The following DEAF1 variants were observed in gnomAD, a reference collection of about 807,000 sequenced individuals.
DEAF1 encodes deformed epidermal autoregulatory factor 1 homolog.
Under a neutral mutation model 58.9 loss-of-function variants are expected in DEAF1, and 53 were observed. The observed-to-expected ratio is 0.90, with a 90% CI of 0.72 to 1.13. DEAF1 has a LOEUF of 1.13. Among genes scored for constraint, DEAF1 ranks in the 50% most tolerant of loss-of-function variants. The pLI, the probability that DEAF1 is intolerant of heterozygous loss-of-function variation, is 0.00. For synonymous variants in DEAF1, 385 were observed against 340.4 expected, an observed-to-expected ratio of 1.13 and a Z score of -1.44; for missense variants, 685 against 791.4, an observed-to-expected ratio of 0.87 and a Z score of 1.61.
chr11:705,992 G>C (rs1054387981), intron 1 of DEAF1: 1 of 152,340 alleles, frequency 6.6e-6, no homozygotes, highest in Non-Finnish European at 1.5e-5. Flanking sequence ...GCGGGTGTTG[G>C]GGAGGACGCA....
intron 2 of DEAF1, chr11:689,896 C>G (rs1300031961): frequency 6.6e-6 from 1 of 152,070 alleles, no homozygotes; most frequent in Non-Finnish European, 1.5e-5. Flanking sequence ...CCCACAGGTG[C>G]CTTGGGCTTC....
intron 11 of DEAF1, among the ~76,000 whole-genome samples, chr11:645,314 G>A (rs940658246): frequency 6.6e-6 from 1 of 152,098 alleles, no homozygotes; most frequent in Non-Finnish European, 1.5e-5. Context: ...CAAGTTCTGT[G>A]GGGGTTTTTT....
At chr11:703,814 A>T in intron 1 of DEAF1, 1 of 1,232,786 alleles carries the variant, frequency 8.1e-7, no homozygotes, top group Non-Finnish European at 1.0e-6. Context: ...TTCGGAGGAG[A>T]GGTCAGGGCT....
At chr11:651,354 C>A in intron 11 of DEAF1, 1 of 316,594 alleles carries the variant, frequency 3.2e-6, no homozygotes, top group Admixed American at 4.0e-5. Context: ...ATGGGAGGAT[C>A]GCCCGAAGCC....
At chr11:676,025 A>C (rs1341969813) in intron 9 of DEAF1, among the ~76,000 whole-genome samples, 2 of 43,116 alleles carry the variant, frequency 4.6e-5, no homozygotes, top group Non-Finnish European at 8.4e-5. Context: ...ACCCCCCAGC[A>C]CCCGACACCC....
chr11:701,452 C>T (rs1861471007), intron 1 of DEAF1, among the ~76,000 whole-genome samples: 1 of 148,332 alleles, frequency 6.7e-6, no homozygotes, highest in Non-Finnish European at 1.5e-5. Flanking sequence ...GCTCTGTCGC[C>T]CAGGCTGGAG....
intron 1 of DEAF1, among the ~76,000 whole-genome samples, chr11:692,930 C>T (rs1860897021): frequency 6.6e-6 from 1 of 152,192 alleles, no homozygotes; most frequent in South Asian, 2.1e-4. Context: ...TCATCCTCGC[C>T]TCTCAGCACC....
At chr11:703,993 T>C in intron 1 of DEAF1, 1 of 1,224,826 alleles carries the variant, frequency 8.2e-7, no homozygotes, top group Non-Finnish European at 1.0e-6. Context: ...TTAAAAAGTA[T>C]CTAAGCTGTT....
At chr11:694,677 A>T (rs1337440564) in intron 1 of DEAF1, 82 bp downstream of exon 1, 1 of 1,237,038 alleles carries the variant, frequency 8.1e-7, no homozygotes, top group Non-Finnish European at 1.0e-6. Flanking sequence ...CGGGCTGGTC[A>T]CCTGGGACAG....
chr11:684,880 G>C lies in DEAF1; in HGVS notation c.870+18C>G, dbSNP rs781619641. 6.4e-7 allele frequency: 1 copy of C among 1,551,170 alleles called. No homozygotes were observed. The highest frequency in any genetic ancestry group is 8.7e-7 in the Non-Finnish European group (1 of 1,146,690). Reference sequence around the variant, plus strand: ...AGCCCCACCAAGTCATCCTGTTCCAGACACGCTGGCCACTTACTAAGGTCA... The same window carrying C: ...AGCCCCACCAAGTCATCCTGTTCCACACACGCTGGCCACTTACTAAGGTCA... On this transcript the variant is annotated intron_variant, in intron 6 of 11. Transcript: ENST00000382409.
intron 4 of DEAF1, 41 bp downstream of exon 4, chr11:687,870 A>T: frequency 6.2e-7 from 1 of 1,613,210 alleles, no homozygotes; most frequent in Middle Eastern, 1.6e-4. Flanking sequence ...GGGGGTTACA[A>T]AGGGGAATAC....
At chr11:668,804 A>G (rs1346292770) in intron 10 of DEAF1, among the ~76,000 whole-genome samples, 1 of 152,176 alleles carries the variant, frequency 6.6e-6, no homozygotes, top group African/African-American at 2.4e-5. Context: ...CCTGGGTGAC[A>G]AAGTGAAACC....
In DEAF1 at chr11:688,593, C is replaced by G; in HGVS notation, c.388-133G>C. On this transcript the variant is annotated intron_variant, in intron 2 of 11. Coordinates refer to ENST00000382409, the MANE Select transcript of DEAF1 (RefSeq NM_021008.4). The surrounding 1 kb of genome is among the most constrained non-coding windows in gnomAD (Gnocchi z 4.3). ...AGAAGGGACGCTCACCTAGGCACCC[C>G]ATATCTTTTCCAAAGATACCTCTCA... The G allele has an allele frequency of 9.6e-7, 1 of 1,041,532 alleles. No homozygotes were observed. The highest frequency in any genetic ancestry group is 1.5e-6 in the Non-Finnish European group (1 of 688,656). The allele number at this position is 1,041,532 out of a possible 1,614,324, so 64.5% of individuals were successfully genotyped here. A position where few individuals can be genotyped will look rare whatever the true frequency, so the allele number is the denominator to read the frequency against.
chr11:667,186 G>A (rs1589989321), intron 10 of DEAF1, among the ~76,000 whole-genome samples: 1 of 152,204 alleles, frequency 6.6e-6, no homozygotes, highest in Non-Finnish European at 1.5e-5. Flanking sequence ...GCCGGGAGTA[G>A]TGGCCAGTGC....
chr11:668,714 TGGG>T (rs1859666479), intron 10 of DEAF1, among the ~76,000 whole-genome samples: 1 of 152,066 alleles, frequency 6.6e-6, no homozygotes, highest in South Asian at 2.1e-4. Flanking sequence ...CCCAGCTACT[TGGG>T]GGGCTGAGGC....
At chr11:661,348 G>C (rs1859310847) in intron 10 of DEAF1, among the ~76,000 whole-genome samples, 1 of 151,986 alleles carries the variant, frequency 6.6e-6, no homozygotes, top group Non-Finnish European at 1.5e-5. Context: ...GATTTCCCAT[G>C]GTTAAAGCTG....
chr11:684,382 C>T (rs1860496846), intron 6 of DEAF1, among the ~76,000 whole-genome samples: 1 of 151,610 alleles, frequency 6.6e-6, no homozygotes, highest in African/African-American at 2.4e-5. Context: ...CGCGCCACTG[C>T]ACCCCAGTGT....
intron 1 of DEAF1, chr11:703,054 G>A: frequency 6.2e-7 from 1 of 1,612,846 alleles, no homozygotes; most frequent in Non-Finnish European, 8.5e-7. Context: ...AGGCCCTAGT[G>A]TTGTGGGCGG....
rs536527181 is a variant in DEAF1, at chr11:686,517, C to T, written c.804+341G>A. ...GTTAGGTGACTTTGAAAGGGTCACA[C>T]GCATTCAAACAGAAGCGATTATCTT... On this transcript the variant is annotated intron_variant, in intron 5 of 11. Coordinates refer to ENST00000382409, the MANE Select transcript of DEAF1 (RefSeq NM_021008.4). Among the ~76,000 whole-genome samples, 3 of 152,280 alleles carry T rather than the reference C, an allele frequency of 2.0e-5. No individual in the cohort carries two copies. In the East Asian group the frequency reaches 5.8e-4, roughly 29 times the overall value.
Sources: allele counts gnomAD v4.1 joint callset (sites outside exome capture counted in the v4.1 genomes callset), GRCh38; gene constraint gnomAD v4.1.1; non-coding constraint Gnocchi (gnomAD v3.1); transcripts MANE v1.5; gene names NCBI Gene and HGNC (gene_info 2026-07-23, HGNC 2026-07-21).